SLC9A3: variants seen among roughly 807,000 people sequenced by gnomAD.
The protein encoded by SLC9A3 is sodium/hydrogen exchanger 3.
A neutral mutation model predicts 86.8 loss-of-function variants in SLC9A3; 37 were observed. The ratio of observed to expected loss-of-function variants is 0.43; its 90% CI spans 0.33 to 0.56. The LOEUF is 0.56. SLC9A3 is among the 20% of genes least tolerant of loss of function. The pLI, the probability that SLC9A3 is intolerant of heterozygous loss-of-function variation, is 0.06. For missense variants in SLC9A3, 1,011 were observed against 1,171.9 expected (o/e 0.86, Z 2.00); for synonymous variants, 581 against 528.3 (o/e 1.10, Z -1.37).
rs1436370731 is a variant in SLC9A3 at position 472,874 on chromosome 5, T to G, written c.*505A>C. 2.0e-6 allele frequency: 1 copy of G among 510,392 alleles called. No individual in the cohort carries two copies. 31.6% of individuals were successfully genotyped at this position (510,392 alleles called of 1,614,324 possible). A position where few individuals can be genotyped will look rare whatever the true frequency, so the allele number is the denominator to read the frequency against. ...GAACCTTGGGCTGGTTTCACGCAAA[T>G]CCGTTTGGGGCGAGCCTCGGTTTCC... On this transcript the variant is annotated 3_prime_UTR_variant, in exon 17 of 17. Transcript: ENST00000264938.
At chr5:482,202 C>T (rs1377081772) in intron 7 of SLC9A3, 45 bp from the exon 8 acceptor site, 1 of 1,461,394 alleles carries the variant, frequency 6.8e-7, no homozygotes, top group South Asian at 1.2e-5. Flanking sequence ...CAGCCCCCCA[C>T]ATCCCGCTGG....
chr5:473,083 G>A lies in SLC9A3; in HGVS notation c.*296C>T, dbSNP rs1447768376. 15 of 235,260 alleles carry A rather than the reference G, an allele frequency of 6.4e-5. No homozygotes were observed. Among genetic ancestry groups the A allele is most frequent in the Middle Eastern group, 1.3e-3 (1 of 768 alleles). 14.6% of individuals were successfully genotyped at this position (235,260 alleles called of 1,614,324 possible). A position where few individuals can be genotyped will look rare whatever the true frequency, so the allele number is the denominator to read the frequency against. Reference sequence around the variant, plus strand: ...GCGCGAGGCCGCTGGAACGAGCGCCGGCTGTGCACGCGGCGCGCCGCCGCC... The same window carrying A: ...GCGCGAGGCCGCTGGAACGAGCGCCAGCTGTGCACGCGGCGCGCCGCCGCC... On this transcript the variant is annotated 3_prime_UTR_variant, in exon 17 of 17. Transcript: ENST00000264938.
chr5:488,080 G>C (rs1739554207), intron 3 of SLC9A3, among the ~76,000 whole-genome samples: 1 of 152,268 alleles, frequency 6.6e-6, no homozygotes, highest in Admixed American at 6.5e-5. Context: ...CATTAACCCT[G>C]AAGCTATGGA....
intron 10 of SLC9A3, chr5:478,014 G>C (rs905519486): frequency 6.5e-6 from 1 of 152,774 alleles, no homozygotes; most frequent in African/African-American, 2.4e-5. Context: ...CTTATGGCTG[G>C]AGTCAGGGTC....
In SLC9A3 at chr5:517,179, TCATC is replaced by T. The variant is rs766805597; in HGVS notation, c.211+6929_211+6932del. ...CTCATCCATTCACCCATCCACTCAC[TCATC>T]CATCCATCAATCCACTCATCCATCC... On this transcript the variant is annotated intron_variant, in intron 1 of 16. Transcript: ENST00000264938. 2.7e-5 allele frequency among the ~76,000 whole-genome samples: 4 copies of T among 150,774 alleles called. No homozygotes were observed. The East Asian group carries it at 5.9e-4, about 22-fold the overall frequency.
At chr5:504,169 C>T (rs1357455162) in intron 1 of SLC9A3, among the ~76,000 whole-genome samples, 4 of 152,372 alleles carry the variant, frequency 2.6e-5, no homozygotes, top group African/African-American at 9.6e-5. Context: ...AAGGAGACAG[C>T]GTCCTATATG....
At position 479,939 on chromosome 5, in the gene SLC9A3, A is replaced by G; in HGVS notation, c.1544T>C (p.Leu515Pro). 1 of 1,613,892 alleles carries G rather than the reference A, an allele frequency of 6.2e-7. No individual in the cohort carries two copies. The highest frequency in any genetic ancestry group is 8.5e-7 in the Non-Finnish European group (1 of 1,179,924). The change falls in exon 10 of 17, where the codon CTC (leucine) becomes CCC (proline). Residue 515 changes from leucine (L) to proline (P), a missense_variant. Transcript: ENST00000264938. ...CGACCGTCTCATGAGGACCCTGCTG[A>G]GGAACTTCCTGTCGAAGTGGGACCA... Reference protein sequence around the residue: ...DKWSHFDRKFLSRVLMRRSAQ... With the variant: ...DKWSHFDRKFPSRVLMRRSAQ...
At chr5:481,526 G>C (rs1160010038) in intron 9 of SLC9A3, 39 bp downstream of exon 9, 4 of 1,525,434 alleles carry the variant, frequency 2.6e-6, no homozygotes, top group Non-Finnish European at 3.6e-6. Flanking sequence ...TCCAGAAGCC[G>C]GGCTGTGCGA....
chr5:506,292 G>A (rs370228331), intron 1 of SLC9A3, among the ~76,000 whole-genome samples: 17 of 152,310 alleles, frequency 1.1e-4, no homozygotes, highest in East Asian at 5.8e-4. Context: ...AAAGACACAC[G>A]AAAGGGGCCC....
rs781403185 is a variant in SLC9A3, at chr5:509,957, C to T, written c.211+14155G>A. On this transcript the variant is annotated intron_variant, in intron 1 of 16. Transcript: ENST00000264938. ...TCCTGCAGTCAGCGCTCCACTGCCC[C>T]ACACTCAGCTGGCTTCCCAGGGCCT... Among the ~76,000 whole-genome samples the T allele has an allele frequency of 6.8e-4, 103 of 152,224 alleles. 1 individual carries two copies. The highest frequency in any genetic ancestry group is 1.6e-4 in the Non-Finnish European group (11 of 68,034).
At chr5:477,677 G>A (rs1305397168) in intron 10 of SLC9A3, 3 of 500,420 alleles carry the variant, frequency 6.0e-6, no homozygotes, top group Non-Finnish European at 1.1e-5. Context: ...GCCTGAACTG[G>A]GCAGAGGTCA....
At chr5:488,580 G>T in intron 2 of SLC9A3, 104 bp from the exon 3 acceptor site, 5 of 1,200,432 alleles carry the variant, frequency 4.2e-6, no homozygotes, top group Non-Finnish European at 5.7e-6. Flanking sequence ...AGCCCGTCTG[G>T]CTGGCGCCGG....
At chr5:474,203 A>AGAG (rs1738571155) in intron 16 of SLC9A3, among the ~76,000 whole-genome samples, 1 of 49,298 alleles carries the variant, frequency 2.0e-5, no homozygotes, top group Non-Finnish European at 4.1e-5. Flanking sequence ...GAGAGAGAGA[A>AGAG]CCAGGTTCCG....
At chr5:522,359 C>T (rs1251129741) in intron 1 of SLC9A3, among the ~76,000 whole-genome samples, 2 of 152,230 alleles carry the variant, frequency 1.3e-5, no homozygotes, top group Non-Finnish European at 2.9e-5. Flanking sequence ...CTGCCGGCTC[C>T]CAGGCGGGGC....
chr5:520,578 A>G (rs1249424219), intron 1 of SLC9A3, among the ~76,000 whole-genome samples: 2 of 152,012 alleles, frequency 1.3e-5, no homozygotes, highest in African/African-American at 4.8e-5. Context: ...TCTCTGCCCC[A>G]TGGCCAGGCA....
chr5:510,269 G>A (rs1473406914), intron 1 of SLC9A3, among the ~76,000 whole-genome samples: 3 of 152,232 alleles, frequency 2.0e-5, no homozygotes, highest in Non-Finnish European at 2.9e-5. Context: ...AAACGTGGCC[G>A]TACGCTGCCA....
intron 1 of SLC9A3, among the ~76,000 whole-genome samples, chr5:523,111 G>A (rs1733933177): frequency 6.6e-6 from 1 of 152,178 alleles, no homozygotes; most frequent in Non-Finnish European, 1.5e-5. Context: ...AACACACAAG[G>A]GGCCTGAAGG....
At chr5:510,253 G>A (rs1416751642) in intron 1 of SLC9A3, among the ~76,000 whole-genome samples, 1 of 152,262 alleles carries the variant, frequency 6.6e-6, no homozygotes, top group Admixed American at 6.5e-5. Context: ...TGCTGTGTGG[G>A]AAAGGAAACG....
intron 1 of SLC9A3, among the ~76,000 whole-genome samples, chr5:523,844 G>A (rs1733955283): frequency 6.6e-6 from 1 of 152,196 alleles, no homozygotes; most frequent in Admixed American, 6.5e-5. Flanking sequence ...GAGGCGGGGC[G>A]GAGACCCCAC....
Sources: allele counts gnomAD v4.1 joint callset (sites outside exome capture counted in the v4.1 genomes callset), GRCh38; gene constraint gnomAD v4.1.1; transcripts MANE v1.5; gene names NCBI Gene and HGNC (gene_info 2026-07-23, HGNC 2026-07-21).